ERBB4: variants seen among roughly 807,000 people sequenced by gnomAD.
ERBB4 encodes the protein erb-b2 receptor tyrosine kinase 4, also known as receptor tyrosine-protein kinase erbB-4.
ERBB4 carries 42 observed loss-of-function variants against 158.0 expected under a neutral mutation model. That is an observed-to-expected ratio of 0.27 (90% confidence interval 0.21 to 0.34). ERBB4 has a LOEUF of 0.34. Among genes scored for constraint, ERBB4 ranks in the 10% least tolerant of loss-of-function variants. The pLI, the probability that ERBB4 is intolerant of heterozygous loss-of-function variation, is 1.00. For missense variants in ERBB4, 1,333 were observed against 1,624.1 expected (o/e 0.82, Z 3.08); for synonymous variants, 583 against 558.7 (o/e 1.04, Z -0.61).
At chr2:212,169,531 A>T (rs138067232) in intron 1 of ERBB4, among the ~76,000 whole-genome samples, 12 of 152,286 alleles carry the variant, frequency 7.9e-5, no homozygotes, top group African/African-American at 2.9e-4. Context: ...TAAAGACTTA[A>T]ATGTAAAATC....
At chr2:211,537,822 A>G (rs943618029) in intron 20 of ERBB4, among the ~76,000 whole-genome samples, 2 of 151,996 alleles carry the variant, frequency 1.3e-5, no homozygotes, top group African/African-American at 4.8e-5. Context: ...TTCTTATTTT[A>G]TCAATGTGTA....
Position 212,099,351 on chromosome 2 carries a change from G to A in ERBB4, c.234+25401C>T, listed in dbSNP as rs559549714. Among the ~76,000 whole-genome samples the A allele has an allele frequency of 2.3e-4, 35 of 152,020 alleles. 1 individual carries two copies. The highest frequency in any genetic ancestry group is 8.0e-4 in the African/African-American group (33 of 41,494). ...CCTTATTTTACTTACTAAATAGTAA[G>A]TCACATGCTATCTATCTAGTTATAA... is the stretch of plus-strand genomic sequence containing the variant. On this transcript the variant is annotated intron_variant, in intron 2 of 27. Transcript: ENST00000342788.
At chr2:211,770,660 T>C (rs980146383) in intron 4 of ERBB4, among the ~76,000 whole-genome samples, 3 of 152,170 alleles carry the variant, frequency 2.0e-5, no homozygotes, top group Non-Finnish European at 2.9e-5. Flanking sequence ...AGAGACCTAC[T>C]ATTTCAAGAT....
At chr2:212,236,646 T>A (rs1210431728) in intron 1 of ERBB4, among the ~76,000 whole-genome samples, 1 of 152,192 alleles carries the variant, frequency 6.6e-6, no homozygotes, top group Non-Finnish European at 1.5e-5. Context: ...ATTTCAGAAC[T>A]TGTTATCAGT....
chr2:211,925,777 T>C (rs2080003589), intron 3 of ERBB4, among the ~76,000 whole-genome samples: 1 of 152,210 alleles, frequency 6.6e-6, no homozygotes, highest in African/African-American at 2.4e-5. Context: ...TGTACAATAT[T>C]TCACAATAAA....
At chr2:211,526,985 G>T (rs1049631464) in intron 20 of ERBB4, among the ~76,000 whole-genome samples, 3 of 152,128 alleles carry the variant, frequency 2.0e-5, no homozygotes, top group East Asian at 1.9e-4. Context: ...AAGAGTTATT[G>T]GCCTTAATGA....
intron 2 of ERBB4, among the ~76,000 whole-genome samples, chr2:211,990,349 G>A (rs1273094868): frequency 4.6e-5 from 7 of 151,826 alleles, no homozygotes. Context: ...TATATTGTAG[G>A]CATCCCACTT....
intron 1 of ERBB4, among the ~76,000 whole-genome samples, chr2:212,218,988 G>T (rs1057056132): frequency 1.2e-4 from 18 of 151,094 alleles, no homozygotes; most frequent in African/African-American, 4.4e-4. Context: ...TAAATCTACA[G>T]GGACCACACA....
intron 4 of ERBB4, among the ~76,000 whole-genome samples, chr2:211,761,675 C>T (rs1370749226): frequency 1.3e-5 from 2 of 152,140 alleles, no homozygotes; most frequent in African/African-American, 4.8e-5. Flanking sequence ...TAAATACAAA[C>T]ACATTTTAGT....
intron 2 of ERBB4, among the ~76,000 whole-genome samples, chr2:212,017,096 A>T (rs916323914): frequency 2.6e-5 from 4 of 152,188 alleles, no homozygotes; most frequent in Admixed American, 6.5e-5. Context: ...AAGTATAACA[A>T]CAGTCTTTCA....
intron 22 of ERBB4, among the ~76,000 whole-genome samples, chr2:211,426,125 A>AATAAACAAATAGCAACATAT (rs59567054): frequency 6.6e-6 from 1 of 151,922 alleles, no homozygotes; most frequent in African/African-American, 2.4e-5. Context: ...TAGAAAATAT[A>AATAAACAAATAGCAACATAT]AAATACAAAA....
At chr2:212,302,710 CT>C in intron 1 of ERBB4, among the ~76,000 whole-genome samples, 1 of 151,422 alleles carries the variant, frequency 6.6e-6, no homozygotes, top group East Asian at 1.9e-4. Flanking sequence ...TTATGATCTT[CT>C]GTAAAACATG....
At chr2:212,481,804 G>A (rs1334099394) in intron 1 of ERBB4, among the ~76,000 whole-genome samples, 1 of 152,126 alleles carries the variant, frequency 6.6e-6, no homozygotes, top group Non-Finnish European at 1.5e-5. Context: ...TTGCAGAGCT[G>A]TAAAGTATTT....
chr2:212,267,611 T>TTTTTTTTTA (rs1342413450), intron 1 of ERBB4, among the ~76,000 whole-genome samples: 14 of 150,792 alleles, frequency 9.3e-5, no homozygotes, highest in Admixed American at 4.6e-4. Flanking sequence ...TTTTTTTTTT[T>TTTTTTTTTA]ATTATACTTT....
At chr2:212,200,276 G>A (rs2082552894) in intron 1 of ERBB4, among the ~76,000 whole-genome samples, 1 of 152,008 alleles carries the variant, frequency 6.6e-6, no homozygotes, top group South Asian at 2.1e-4. Flanking sequence ...AAAGGAATAT[G>A]AAAAGAAATA....
At chr2:212,226,953 T>A (rs1482893661) in intron 1 of ERBB4, among the ~76,000 whole-genome samples, 1 of 152,028 alleles carries the variant, frequency 6.6e-6, no homozygotes, top group Non-Finnish European at 1.5e-5. Context: ...TTCTAAGAAA[T>A]ATTTTCACAG....
chr2:211,968,149 C>A (rs1199967877), intron 2 of ERBB4, among the ~76,000 whole-genome samples: 2 of 152,042 alleles, frequency 1.3e-5, no homozygotes. Flanking sequence ...CTTTTCCCTT[C>A]AAACTGAACA....
At chr2:211,848,256 T>G (rs2077636071) in intron 3 of ERBB4, among the ~76,000 whole-genome samples, 1 of 152,138 alleles carries the variant, frequency 6.6e-6, no homozygotes, top group African/African-American at 2.4e-5. Context: ...TACCACCTTG[T>G]GTCATCTGTG....
intron 19 of ERBB4, among the ~76,000 whole-genome samples, chr2:211,580,826 A>C (rs2068060356): frequency 2.8e-5 from 1 of 36,230 alleles, no homozygotes; most frequent in African/African-American, 4.5e-5. Flanking sequence ...TATATATATT[A>C]TATATATAGA....
Sources: gnomAD v4.1 joint callset for allele counts (sites outside exome capture counted in the v4.1 genomes callset) on GRCh38, gnomAD v4.1.1 for gene constraint, MANE v1.5 for transcripts, NCBI Gene and HGNC (gene_info 2026-07-23, HGNC 2026-07-21) for gene names.